The following PTPRD variants were observed in gnomAD, a reference collection of about 807,000 sequenced individuals.
The protein encoded by PTPRD is protein tyrosine phosphatase receptor type D.
A neutral mutation model predicts 214.5 loss-of-function variants in PTPRD; 34 were observed. The ratio of observed to expected loss-of-function variants is 0.16; its 90% confidence interval spans 0.12 to 0.21. The LOEUF (loss-of-function observed/expected upper bound fraction) is 0.21. Ranked by LOEUF, PTPRD falls within the 10% of genes least tolerant of loss-of-function variation. PTPRD has a pLI of 1.00. For synonymous variants in PTPRD, 1,128 were observed against 845.7 expected (o/e 1.33, Z -5.79); for missense variants, 2,545 against 2,398.7 (o/e 1.06, Z -1.27).
chr9:9,946,296 G>C (rs2092546065), intron 4 of PTPRD, among the ~76,000 whole-genome samples: 1 of 152,096 alleles, frequency 6.6e-6, no homozygotes. Flanking sequence ...TTTAATGAAT[G>C]GGTAAAAATG....
At chr9:9,856,911 G>C (rs1346257309) in intron 5 of PTPRD, among the ~76,000 whole-genome samples, 2 of 152,100 alleles carry the variant, frequency 1.3e-5, no homozygotes, top group Non-Finnish European at 2.9e-5. Context: ...AAATAAGCTA[G>C]AATAAAATGT....
chr9:9,606,965 TAAAAAAAAAAAAAAAAAA>T (rs754610072), intron 7 of PTPRD, among the ~76,000 whole-genome samples: 79 of 27,480 alleles, frequency 2.9e-3, no homozygotes, highest in South Asian at 0.018. Flanking sequence ...TCAGCACTGC[TAAAAAAAAAAAAAAAAAA>T]AAAAAAAAAA....
At chr9:8,741,941 A>G (rs7021553) in intron 11 of PTPRD, among the ~76,000 whole-genome samples, 11,127 of 152,040 alleles carry the variant, frequency 0.073, 1,090 homozygotes, top group African/African-American at 0.23. Context: ...TGTTCAACCA[A>G]TCAAAAGAAG....
intron 11 of PTPRD, among the ~76,000 whole-genome samples, chr9:8,906,981 C>A (rs570855577): frequency 6.6e-6 from 1 of 152,036 alleles, no homozygotes; most frequent in Admixed American, 6.6e-5. Flanking sequence ...TGGAAGGGCC[C>A]AGTGGAAAGT....
At chr9:8,945,199 A>T (rs1306869744) in intron 11 of PTPRD, among the ~76,000 whole-genome samples, 1 of 140,546 alleles carries the variant, frequency 7.1e-6, no homozygotes, top group East Asian at 2.6e-4. Context: ...GAATTTATCA[A>T]ACAGAAAATC....
intron 14 of PTPRD, among the ~76,000 whole-genome samples, chr9:8,588,709 A>G (rs1208590071): frequency 6.6e-6 from 1 of 152,210 alleles, no homozygotes; most frequent in East Asian, 1.9e-4. Flanking sequence ...TAATACATGT[A>G]TCAGATAATG....
chr9:9,972,189 C>T (rs2095140181), intron 4 of PTPRD, among the ~76,000 whole-genome samples: 1 of 152,144 alleles, frequency 6.6e-6, no homozygotes, highest in Non-Finnish European at 1.5e-5. Context: ...AGAAAATTAT[C>T]AAGCGCATCT....
At chr9:10,025,962 A>C (rs2096915407) in intron 4 of PTPRD, among the ~76,000 whole-genome samples, 1 of 152,204 alleles carries the variant, frequency 6.6e-6, no homozygotes, top group Non-Finnish European at 1.5e-5. Flanking sequence ...CAAGAAAGAG[A>C]AACTAGAGAT....
chr9:10,565,617 G>C (rs569919112), intron 2 of PTPRD, among the ~76,000 whole-genome samples: 16 of 151,920 alleles, frequency 1.1e-4, no homozygotes, highest in Non-Finnish European at 2.2e-4. Context: ...ACACCCCTTT[G>C]GATAATGTAT....
chr9:10,611,584 T>G (rs976467755), intron 2 of PTPRD, among the ~76,000 whole-genome samples: 1 of 152,284 alleles, frequency 6.6e-6, no homozygotes, highest in Non-Finnish European at 1.5e-5. Flanking sequence ...GCTACTGACA[T>G]GGTGATGTTA....
intron 11 of PTPRD, among the ~76,000 whole-genome samples, chr9:8,832,104 ATGTGTGTGTGTGTGTG>A (rs34699954): frequency 6.7e-6 from 1 of 148,756 alleles, no homozygotes; most frequent in African/African-American, 2.5e-5. Context: ...GTATGTGTAT[ATGTGTGTGTGTGTGTG>A]TGTGTGTGTG....
At chr9:9,300,506 A>C (rs1190810636) in intron 9 of PTPRD, among the ~76,000 whole-genome samples, 1 of 151,760 alleles carries the variant, frequency 6.6e-6, no homozygotes, top group Non-Finnish European at 1.5e-5. Context: ...TTCCCCCCAA[A>C]TTCATGTGTT....
chr9:9,145,770 A>C (rs1026781043), intron 10 of PTPRD, among the ~76,000 whole-genome samples: 10 of 152,198 alleles, frequency 6.6e-5, no homozygotes, highest in African/African-American at 2.4e-4. Flanking sequence ...GATTGGGACT[A>C]TGGCCATATA....
At chr9:8,368,010 G>C (rs1288514811) in intron 39 of PTPRD, among the ~76,000 whole-genome samples, 1 of 152,156 alleles carries the variant, frequency 6.6e-6, no homozygotes, top group African/African-American at 2.4e-5. Context: ...TTTGAACTCT[G>C]TTTGTTAGAA....
intron 8 of PTPRD, among the ~76,000 whole-genome samples, chr9:9,520,876 T>C (rs960890250): frequency 6.6e-6 from 1 of 152,164 alleles, no homozygotes; most frequent in African/African-American, 2.4e-5. Context: ...GTCTATGACC[T>C]GAAGAAGCAA....
intron 21 of PTPRD, among the ~76,000 whole-genome samples, chr9:8,509,204 G>A (rs1040778142): frequency 2.0e-5 from 3 of 151,982 alleles, no homozygotes; most frequent in South Asian, 2.1e-4. Context: ...GGACAGAGGG[G>A]AACAAAACAC....
chr9:10,382,019 C>T (rs1298032458), intron 2 of PTPRD, among the ~76,000 whole-genome samples: 1 of 151,846 alleles, frequency 6.6e-6, no homozygotes, highest in Non-Finnish European at 1.5e-5. Context: ...GAAAACTGAA[C>T]CTTTCTTACA....
At chr9:9,888,511 T>C (rs1029117811) in intron 5 of PTPRD, among the ~76,000 whole-genome samples, 2 of 152,138 alleles carry the variant, frequency 1.3e-5, no homozygotes, top group African/African-American at 2.4e-5. Flanking sequence ...GGCTTGGTGC[T>C]GTCCTCAAAG....
intron 10 of PTPRD, among the ~76,000 whole-genome samples, chr9:9,134,745 T>G (rs560891774): frequency 6.6e-6 from 1 of 152,270 alleles, no homozygotes; most frequent in South Asian, 2.1e-4. Context: ...CTTTCTTATT[T>G]CTTTATTGCA....
Sources: allele counts gnomAD v4.1 joint callset (sites outside exome capture counted in the v4.1 genomes callset), GRCh38; gene constraint gnomAD v4.1.1; transcripts MANE v1.5; gene names NCBI Gene and HGNC (gene_info 2026-07-23, HGNC 2026-07-21).